The following FRMPD4 variants were observed in gnomAD, a reference collection of about 807,000 sequenced individuals.
FRMPD4 encodes the protein FERM and PDZ domain-containing protein 4.
Under a neutral mutation model 94.1 loss-of-function variants are expected in FRMPD4, and 22 were observed. The observed-to-expected ratio is 0.23, with a 90% confidence interval of 0.17 to 0.33. The LOEUF is 0.33. Among genes scored for constraint, FRMPD4 ranks in the 10% least tolerant of loss-of-function variants. The pLI is 1.00. For missense variants in FRMPD4, 1,111 were observed against 1,339.9 expected, an observed-to-expected ratio of 0.83 and a Z score of 2.67; for synonymous variants, 631 against 548.6, an observed-to-expected ratio of 1.15 and a Z score of -2.10.
intron 1 of FRMPD4, among the ~76,000 whole-genome samples, chrX:11,845,754 T>A (rs1171487231): frequency 1.5e-4 from 16 of 110,304 alleles, no homozygotes; most frequent in African/African-American, 5.3e-4. Flanking sequence ...TAATCCAGCA[T>A]ATAAACAGAA....
intron 1 of FRMPD4, among the ~76,000 whole-genome samples, chrX:12,250,924 T>C (rs3764802): frequency 0.18 from 19,607 of 110,890 alleles, 1,631 homozygotes; most frequent in East Asian, 0.52. Context: ...TCAGGGCCTG[T>C]CTTTCCATCA....
chrX:12,351,127 G>A (rs754860697), intron 1 of FRMPD4, among the ~76,000 whole-genome samples: 24 of 106,490 alleles, frequency 2.3e-4, no homozygotes, highest in Middle Eastern at 4.7e-3. Context: ...AGCCAAGATC[G>A]CGCAACTGTA....
chrX:12,135,554 C>T, upstream of FRMPD4, among the ~76,000 whole-genome samples: 1 of 106,256 alleles, frequency 9.4e-6, no homozygotes. Context: ...GTGTAAAGAC[C>T]TGTAGAAGTC....
chrX:11,900,503 G>T (rs1354121162), intron 3 of FRMPD4, among the ~76,000 whole-genome samples: 1 of 111,865 alleles, frequency 8.9e-6, no homozygotes. Flanking sequence ...TTCTTCTTCA[G>T]CACTTGTGGC....
At chrX:12,057,467 G>C (rs1249681947) in intron 3 of FRMPD4, among the ~76,000 whole-genome samples, 1 of 111,940 alleles carries the variant, frequency 8.9e-6, no homozygotes, top group African/African-American at 3.2e-5. Flanking sequence ...CTAAGAGAAT[G>C]TATTTTCAGA....
At position 12,716,762 on chromosome X, in the gene FRMPD4, C is replaced by T. The variant is rs758319836; in HGVS notation, c.2303C>T (p.Pro768Leu). 7 of 1,208,936 alleles carry T rather than the reference C, an allele frequency of 5.8e-6. No individual in the cohort carries two copies. Among genetic ancestry groups the T allele is most frequent in the African/African-American group, 1.8e-5 (1 of 57,121 alleles). ...EDLVVGEMNQPAILNLSGSSD... is the reference protein window; with the variant it reads ...EDLVVGEMNQLAILNLSGSSD... ...CTCGTGGTGGGGGAGATGAACCAGC[C>T]GGCCATCCTCAACCTGTCTGGGTCA... The change falls in exon 15 of 17, where the codon CCG becomes CTG. Residue 768 changes from proline to leucine, a missense_variant. By Grantham distance (98) the Pro-to-Leu change is moderately conservative. Around this residue, in one of 8 missense-constraint regions of FRMPD4, gnomAD observed 192 missense variants for 192.5 expected, o/e 1.00. Transcript: ENST00000675598.
intron 1 of FRMPD4, among the ~76,000 whole-genome samples, chrX:12,252,318 A>G (rs149101959): frequency 1.6e-3 from 181 of 111,721 alleles, no homozygotes; most frequent in Non-Finnish European, 2.8e-3. Context: ...TGCCTGAACC[A>G]GTGAGCACAT....
intron 1 of FRMPD4, among the ~76,000 whole-genome samples, chrX:12,146,351 C>T (rs1236702729): frequency 9.8e-6 from 1 of 102,550 alleles, no homozygotes; most frequent in Non-Finnish European, 2.0e-5. Context: ...GGCAACAGAA[C>T]GAGACTCTGT....
chrX:12,595,528 T>C (rs763447924), intron 2 of FRMPD4, among the ~76,000 whole-genome samples: 290 of 112,080 alleles, frequency 2.6e-3, no homozygotes, highest in Non-Finnish European at 3.6e-3. Context: ...TTAATTATTC[T>C]GGAAAATAAT....
intron 3 of FRMPD4, among the ~76,000 whole-genome samples, chrX:12,003,127 C>G (rs2054532786): frequency 8.9e-6 from 1 of 111,879 alleles, no homozygotes; most frequent in Non-Finnish European, 1.9e-5. Context: ...GAAGCAGCAG[C>G]AACATTGAGC....
chrX:12,557,571 T>C (rs1382813162), intron 2 of FRMPD4, among the ~76,000 whole-genome samples: 1 of 112,642 alleles, frequency 8.9e-6, no homozygotes, highest in East Asian at 2.8e-4. Context: ...CTTCTCCCTC[T>C]TGGGTTTCCC....
At chrX:12,076,356 GTA>G (rs1555920966) in intron 3 of FRMPD4, among the ~76,000 whole-genome samples, 2 of 108,000 alleles carry the variant, frequency 1.9e-5, no homozygotes, top group Non-Finnish European at 3.9e-5. Context: ...GTGTGTGTGT[GTA>G]TGTGTGTGTG....
chrX:12,012,866 G>A (rs1472865882), intron 3 of FRMPD4, among the ~76,000 whole-genome samples: 2 of 112,399 alleles, frequency 1.8e-5, no homozygotes, highest in East Asian at 5.5e-4. Flanking sequence ...GGATGGGAAA[G>A]GAAGGGACAC....
At chrX:12,662,727 T>A (rs2059730263) in intron 4 of FRMPD4, among the ~76,000 whole-genome samples, 1 of 112,376 alleles carries the variant, frequency 8.9e-6, no homozygotes. Context: ...AGTAATGGGA[T>A]GGCTGGGTCA....
chrX:12,360,669 T>C (rs1442922509), intron 1 of FRMPD4, among the ~76,000 whole-genome samples: 1 of 111,582 alleles, frequency 9.0e-6, no homozygotes, highest in Non-Finnish European at 1.9e-5. Context: ...CTCATCATGC[T>C]CTGGGTAATT....
chrX:11,987,098 TAAAAAAA>T (rs35377550), intron 3 of FRMPD4, among the ~76,000 whole-genome samples: 1 of 21,853 alleles, frequency 4.6e-5, no homozygotes, highest in Non-Finnish European at 7.1e-5. Context: ...AAAGACACAT[TAAAAAAA>T]AAAAAAAAAA....
At chrX:12,269,352 T>TA (rs63071261) in intron 1 of FRMPD4, among the ~76,000 whole-genome samples, 30,288 of 103,728 alleles carry the variant, frequency 0.29, 4,407 homozygotes, top group African/African-American at 0.52. Flanking sequence ...ATTAATAAAA[T>TA]AAAAAAAAAA....
At chrX:12,090,258 G>T (rs751438882) in intron 3 of FRMPD4, among the ~76,000 whole-genome samples, 2 of 109,122 alleles carry the variant, frequency 1.8e-5, no homozygotes, top group East Asian at 5.8e-4. Flanking sequence ...TATGATATCT[G>T]GTCTTTTAAA....
chrX:12,542,901 A>G (rs1244883932), intron 2 of FRMPD4, among the ~76,000 whole-genome samples: 3 of 112,064 alleles, frequency 2.7e-5, no homozygotes, highest in East Asian at 5.6e-4. Flanking sequence ...ATACAGACCA[A>G]TGGAACAGAA....
Sources: gnomAD v4.1 joint callset for allele counts (sites outside exome capture counted in the v4.1 genomes callset) on GRCh38, gnomAD v4.1.1 for gene constraint, gnomAD v4.1.1 regional missense constraint, MANE v1.5 for transcripts, NCBI Gene and HGNC (gene_info 2026-07-23, HGNC 2026-07-21) for gene names.